RBMY1J: variants seen among roughly 807,000 people sequenced by gnomAD.
RBMY1J encodes the protein RNA-binding motif protein, Y chromosome, family 1 member F/J.
rs2090037432 is a variant in RBMY1J at position 22,407,259 on chromosome Y, C to G, written c.213+1131C>G. 4.0e-4 allele frequency among the ~76,000 whole-genome samples: 13 copies of G among 32,167 alleles called. No individual in the cohort carries two copies. In the South Asian group the frequency reaches 4.1e-3, roughly 10 times the overall value. 86.3% of individuals were successfully genotyped at this position (32,167 alleles called of 37,273 possible). ...CTGGCAACAGAGCAAGAATCCGTCT[C>G]AAAAAAACAAAAAATAAATAAAATA... On this transcript the variant is annotated intron_variant, in intron 3 of 11. Transcript: ENST00000250831.
intron 3 of RBMY1J, among the ~76,000 whole-genome samples, chrY:22,407,407 T>C: frequency 5.8e-5 from 2 of 34,769 alleles, no homozygotes; most frequent in East Asian, 1.4e-3. Flanking sequence ...TAAATAAAAT[T>C]TATGCTTCAA....
At chrY:22,407,453 C>T (rs1603594963) in intron 3 of RBMY1J, among the ~76,000 whole-genome samples, 1 of 33,006 alleles carries the variant, frequency 3.0e-5, no homozygotes, top group East Asian at 8.5e-4. Context: ...TTCCTCATTG[C>T]GTATTGTAGG....
chrY:22,405,569 A>G lies in RBMY1J; in HGVS notation c.109+13A>G, dbSNP rs2090036776. The G allele has an allele frequency of 6.3e-6, 1 of 158,242 alleles. No homozygotes were observed. Among genetic ancestry groups the G allele is most frequent in the Non-Finnish European group, 8.8e-6 (1 of 113,356 alleles). The allele number at this position is 158,242 out of a possible 400,897, so 39.5% of individuals were successfully genotyped here. A position where few individuals can be genotyped will look rare whatever the true frequency, so the allele number is the denominator to read the frequency against. ...CCCATATCAGAAGGTAACTCTTAAA[A>G]CCGTGTGTGTGTGTGTGTGTGTGTG... On this transcript the variant is annotated intron_variant, in intron 2 of 11. Coordinates refer to ENST00000250831, the Ensembl canonical transcript of RBMY1J.
At chrY:22,405,656 TTA>T (rs2090037004) in intron 2 of RBMY1J, 100 bp downstream of exon 2, 1 of 29,480 alleles carries the variant, frequency 3.4e-5, no homozygotes, top group Non-Finnish European at 6.2e-5. Flanking sequence ...AATATGTATG[TTA>T]TATATATATG....
chrY:22,407,392 C>G (rs160737), intron 3 of RBMY1J, among the ~76,000 whole-genome samples: 39 of 34,574 alleles, frequency 1.1e-3, no homozygotes, highest in African/African-American at 2.4e-3. Context: ...CCTGTGTATG[C>G]CTCATAAATA....
At chrY:22,407,458 T>G (rs2124436537) in intron 3 of RBMY1J, among the ~76,000 whole-genome samples, 1 of 33,378 alleles carries the variant, frequency 3.0e-5, no homozygotes, top group Non-Finnish European at 7.7e-5. Context: ...CATTGCGTAT[T>G]GTAGGTATTT....
At chrY:22,405,547 A>G in exon 2 of RBMY1J, 2 of 94,433 alleles carry the variant, frequency 2.1e-5, no homozygotes, top group Non-Finnish European at 3.4e-5. Context: ...ACATGGTCCC[A>G]TATCAGAAGG....
At chrY:22,407,390 TG>T (rs2090037529) in intron 3 of RBMY1J, among the ~76,000 whole-genome samples, 1 of 35,127 alleles carries the variant, frequency 2.8e-5, no homozygotes, top group Admixed American at 2.7e-4. Context: ...TCCCTGTGTA[TG>T]CCTCATAAAT....
intron 3 of RBMY1J, among the ~76,000 whole-genome samples, chrY:22,407,099 C>CA (rs2090037322): frequency 5.9e-4 from 7 of 11,934 alleles, no homozygotes; most frequent in East Asian, 1.4e-3. Context: ...TACTAAAATA[C>CA]AAAAAAAAAA....
chrY:22,407,778 G>C lies in RBMY1J; in HGVS notation c.214-1374G>C, dbSNP rs199529099. On this transcript the variant is annotated intron_variant, in intron 3 of 11. Transcript: ENST00000250831. ...GATAATTTGTGTAAAGTTTTTGTTC[G>C]TTTGTTTGTTTTTTAAGATGGAGAC... 2.2e-3 allele frequency among the ~76,000 whole-genome samples: 6 copies of C among 2,700 alleles called. No homozygotes were observed. The East Asian group carries it at 0.024, about 11-fold the overall frequency. 7.2% of individuals were successfully genotyped at this position (2,700 alleles called of 37,273 possible).
chrY:22,407,411 G>T (rs2090037617), intron 3 of RBMY1J, among the ~76,000 whole-genome samples: 1 of 34,456 alleles, frequency 2.9e-5, no homozygotes, highest in Non-Finnish European at 7.5e-5. Flanking sequence ...TAAAATTTAT[G>T]CTTCAAAAAC....
chrY:22,407,286 A>G, intron 3 of RBMY1J, among the ~76,000 whole-genome samples: 1 of 34,389 alleles, frequency 2.9e-5, no homozygotes, highest in Non-Finnish European at 7.6e-5. Flanking sequence ...AATAAAATAA[A>G]TAAATAAATA....
At chrY:22,403,942 A>C in intron 1 of RBMY1J, among the ~76,000 whole-genome samples, 1 of 32,927 alleles carries the variant, frequency 3.0e-5, no homozygotes, top group Admixed American at 3.2e-4. Flanking sequence ...TCACACTTTT[A>C]GTTAGCACGT....
At chrY:22,407,406 T>C (rs2090037595) in intron 3 of RBMY1J, among the ~76,000 whole-genome samples, 2 of 34,784 alleles carry the variant, frequency 5.7e-5, no homozygotes, top group African/African-American at 2.2e-4. Context: ...ATAAATAAAA[T>C]TTATGCTTCA....
intron 3 of RBMY1J, among the ~76,000 whole-genome samples, chrY:22,407,337 G>A (rs2090037503): frequency 2.9e-5 from 1 of 35,021 alleles, no homozygotes; most frequent in African/African-American, 1.1e-4. Flanking sequence ...TAGTCTTCAC[G>A]CTATTCCCAA....
intron 2 of RBMY1J, 93 bp downstream of exon 2, chrY:22,405,649 A>G (rs2090036979): frequency 1.3e-4 from 5 of 38,840 alleles, no homozygotes; most frequent in Non-Finnish European, 2.4e-4. Context: ...TGTTTAAAAT[A>G]TGTATGTTAT....
At chrY:22,407,389 A>C in intron 3 of RBMY1J, among the ~76,000 whole-genome samples, 1 of 35,049 alleles carries the variant, frequency 2.9e-5, no homozygotes, top group Non-Finnish European at 7.4e-5. Flanking sequence ...TTCCCTGTGT[A>C]TGCCTCATAA....
chrY:22,407,390 T>C, intron 3 of RBMY1J, among the ~76,000 whole-genome samples: 1 of 35,127 alleles, frequency 2.8e-5, no homozygotes, highest in Non-Finnish European at 7.4e-5. Context: ...TCCCTGTGTA[T>C]GCCTCATAAA....
Sources: gnomAD v4.1 joint callset for allele counts (sites outside exome capture counted in the v4.1 genomes callset) on GRCh38, gnomAD v4.1.1 for gene constraint, MANE v1.5 for transcripts, NCBI Gene and HGNC (gene_info 2026-07-23, HGNC 2026-07-21) for gene names.